Variants in NRG3 observed in about 807,000 individuals in gnomAD.
NRG3 encodes neuregulin 3, also known as pro-neuregulin-3, membrane-bound isoform.
Under a neutral mutation model 66.9 loss-of-function variants are expected in NRG3, and 31 were observed. That is an observed-to-expected ratio of 0.46 (90% CI 0.35 to 0.63). The LOEUF is 0.63. NRG3 is among the 20% of genes least tolerant of loss of function. NRG3 has a pLI of 0.00. For synonymous variants in NRG3, 393 were observed against 359.4 expected, an observed-to-expected ratio of 1.09 and a Z score of -1.06; for missense variants, 910 against 878.9, an observed-to-expected ratio of 1.04 and a Z score of -0.45.
intron 2 of NRG3, among the ~76,000 whole-genome samples, chr10:82,703,052 G>A (rs2056015402): frequency 1.1e-5 from 1 of 93,912 alleles, no homozygotes; most frequent in Non-Finnish European, 2.6e-5. Context: ...TCCTTCTTTT[G>A]TCTTTCTCTC....
chr10:82,019,562 G>T (rs530319373), intron 1 of NRG3, among the ~76,000 whole-genome samples: 3 of 152,182 alleles, frequency 2.0e-5, no homozygotes, highest in East Asian at 3.9e-4. Flanking sequence ...GAATCCATCT[G>T]GTCCTGGAAT....
intron 2 of NRG3, among the ~76,000 whole-genome samples, chr10:82,666,603 T>C (rs1291983864): frequency 6.6e-6 from 1 of 152,214 alleles, no homozygotes; most frequent in Non-Finnish European, 1.5e-5. Context: ...AGTTACCATT[T>C]ATAATTTTCT....
At chr10:82,271,031 A>T (rs891247516) in intron 1 of NRG3, among the ~76,000 whole-genome samples, 11 of 152,132 alleles carry the variant, frequency 7.2e-5, no homozygotes, top group Non-Finnish European at 1.0e-4. Flanking sequence ...ATAGGCAATG[A>T]AAATAAGCCT....
chr10:82,526,834 T>C (rs1846751676), intron 2 of NRG3, among the ~76,000 whole-genome samples: 1 of 152,012 alleles, frequency 6.6e-6, no homozygotes, highest in Non-Finnish European at 1.5e-5. Flanking sequence ...ATACCATACA[T>C]ACCAAACAAC....
At chr10:82,616,561 A>G (rs2048663493) in intron 2 of NRG3, among the ~76,000 whole-genome samples, 1 of 152,316 alleles carries the variant, frequency 6.6e-6, no homozygotes, top group South Asian at 2.1e-4. Flanking sequence ...AGGTGTCAAC[A>G]TTATCCCATG....
intron 2 of NRG3, among the ~76,000 whole-genome samples, chr10:82,695,550 C>G (rs1335036184): frequency 6.6e-6 from 1 of 152,072 alleles, no homozygotes; most frequent in South Asian, 2.1e-4. Flanking sequence ...ATGGCTATGA[C>G]TAGATAAAGG....
chr10:82,589,210 A>G (rs558836172), intron 2 of NRG3, among the ~76,000 whole-genome samples: 43 of 152,204 alleles, frequency 2.8e-4, no homozygotes, highest in Non-Finnish European at 5.6e-4. Flanking sequence ...ACCAAAATGT[A>G]GATAAGAAAT....
chr10:82,316,512 G>A (rs1025332653), intron 1 of NRG3, among the ~76,000 whole-genome samples: 2 of 151,980 alleles, frequency 1.3e-5, no homozygotes, highest in Non-Finnish European at 2.9e-5. Context: ...TTTTGCCTAC[G>A]GACCCTTTTT....
intron 1 of NRG3, among the ~76,000 whole-genome samples, chr10:82,037,303 T>G (rs2062831587): frequency 1.3e-5 from 2 of 152,170 alleles, no homozygotes; most frequent in East Asian, 3.9e-4. Flanking sequence ...CTCTGTACTT[T>G]TACTGGGCAC....
chr10:82,421,516 A>G (rs953893492), intron 2 of NRG3, among the ~76,000 whole-genome samples: 5 of 152,096 alleles, frequency 3.3e-5, no homozygotes, highest in African/African-American at 1.2e-4. Context: ...AAAAAAGTCT[A>G]TTATGTAAGA....
chr10:81,875,509 T>C lies in NRG3; in HGVS notation c.169T>C (p.Cys57Arg), dbSNP rs753087154. ...EPPRELRCSD[C>R]IVWNRQQTWL... The stretch of plus-strand genomic sequence containing the variant: ...CCCCCGGGAGTTACGCTGTAGCGAC[T>C]GCATCGTGTGGAACCGGCAGCAGAC... Residue 57 changes from cysteine (C) to arginine (R), a missense_variant, in exon 1 of 9, where the codon TGC becomes CGC. Cys to Arg is a radical substitution (Grantham distance 180). Transcript: ENST00000372141. The surrounding 1 kb of genome is among the most constrained non-coding windows in gnomAD (Gnocchi z 5.3). 3 of 1,607,370 alleles carry C rather than the reference T, an allele frequency of 1.9e-6. No homozygotes were observed. The highest frequency in any genetic ancestry group is 2.5e-6 in the Non-Finnish European group (3 of 1,177,290).
intron 4 of NRG3, among the ~76,000 whole-genome samples, chr10:82,876,143 A>G (rs1390904806): frequency 6.6e-6 from 1 of 152,232 alleles, no homozygotes; most frequent in Non-Finnish European, 1.5e-5. Context: ...AACTATTGGC[A>G]AAAGCAGTGC....
intron 1 of NRG3, chr10:82,166,941 C>T (rs1192374438): frequency 8.7e-6 from 4 of 460,870 alleles, no homozygotes; most frequent in South Asian, 3.9e-5. Flanking sequence ...TCTTCTTGCT[C>T]GCATTATTTT....
intron 2 of NRG3, among the ~76,000 whole-genome samples, chr10:82,639,583 C>A (rs770063160): frequency 2.6e-5 from 4 of 152,146 alleles, no homozygotes; most frequent in Non-Finnish European, 5.9e-5. Flanking sequence ...GATGACATTT[C>A]TTTTCTAATT....
At chr10:82,234,987 A>T (rs1564694726) in intron 1 of NRG3, among the ~76,000 whole-genome samples, 1 of 152,242 alleles carries the variant, frequency 6.6e-6, no homozygotes, top group Non-Finnish European at 1.5e-5. Flanking sequence ...TTTTAGTCTC[A>T]ACTTACAACT....
At chr10:82,593,934 T>G (rs1237721916) in intron 2 of NRG3, among the ~76,000 whole-genome samples, 1 of 152,098 alleles carries the variant, frequency 6.6e-6, no homozygotes, top group East Asian at 1.9e-4. Context: ...TTTTAGACCT[T>G]TAAAAGAATA....
chr10:82,445,541 C>A (rs2090673882), intron 2 of NRG3, among the ~76,000 whole-genome samples: 1 of 152,168 alleles, frequency 6.6e-6, no homozygotes, highest in Non-Finnish European at 1.5e-5. Context: ...AAATGCCTTT[C>A]TCCCACTGTT....
chr10:82,708,012 C>T (rs1591258295), intron 2 of NRG3, among the ~76,000 whole-genome samples: 1 of 152,002 alleles, frequency 6.6e-6, no homozygotes, highest in East Asian at 1.9e-4. Flanking sequence ...ACACAGTAGA[C>T]TCTGTCTCAA....
intron 1 of NRG3, among the ~76,000 whole-genome samples, chr10:82,123,780 GAAAAC>G (rs2068246912): frequency 6.6e-6 from 1 of 152,074 alleles, no homozygotes; most frequent in Non-Finnish European, 1.5e-5. Flanking sequence ...GAATCGTCTG[GAAAAC>G]CTTAAAAGGT....
Sources: allele counts gnomAD v4.1 joint callset (sites outside exome capture counted in the v4.1 genomes callset), GRCh38; gene constraint gnomAD v4.1.1; non-coding constraint Gnocchi (gnomAD v3.1); transcripts MANE v1.5; gene names NCBI Gene and HGNC (gene_info 2026-07-23, HGNC 2026-07-21).